NFKBIZ: variants seen among roughly 807,000 people sequenced by gnomAD.
NFKBIZ encodes NFKB inhibitor zeta, also known as NF-kappa-B inhibitor zeta.
A neutral mutation model predicts 76.8 loss-of-function variants in NFKBIZ; 19 were observed. That is an observed-to-expected ratio of 0.25 (90% CI 0.17 to 0.36). The LOEUF (loss-of-function observed/expected upper bound fraction) is 0.36, where lower values mean the gene tolerates loss of function less well. Among genes scored for constraint, NFKBIZ ranks in the 10% least tolerant of loss-of-function variants. The pLI is 1.00. For missense variants in NFKBIZ, 829 were observed against 910.9 expected (o/e 0.91, Z 1.16); for synonymous variants, 368 against 354.8 (o/e 1.04, Z -0.42).
intron 1 of NFKBIZ, among the ~76,000 whole-genome samples, chr3:101,828,349 T>G (rs1300476848): frequency 6.6e-6 from 1 of 152,178 alleles, no homozygotes; most frequent in Non-Finnish European, 1.5e-5. Flanking sequence ...GATAGTTTTT[T>G]GGAGAAAGAA....
At chr3:101,846,838 A>G (rs1203126647), upstream of NFKBIZ, among the ~76,000 whole-genome samples, 2 of 152,226 alleles carry the variant, frequency 1.3e-5, no homozygotes, top group Non-Finnish European at 2.9e-5. Flanking sequence ...TCACACAATT[A>G]TGCAGGCCAA....
At chr3:101,855,040 T>C (rs1365839626) in intron 6 of NFKBIZ, 22 bp from the exon 7 acceptor site, 1 of 1,571,810 alleles carries the variant, frequency 6.4e-7, no homozygotes, top group East Asian at 2.2e-5. Flanking sequence ...TAAAATATCT[T>C]TTTTCCTCTG....
At chr3:101,846,512 T>C (rs1030218239), upstream of NFKBIZ, among the ~76,000 whole-genome samples, 1 of 152,220 alleles carries the variant, frequency 6.6e-6, no homozygotes, top group African/African-American at 2.4e-5. Context: ...GAAACATTAG[T>C]CTTTTGTTGA....
intron 2 of NFKBIZ, among the ~76,000 whole-genome samples, chr3:101,830,785 A>G (rs931598666): frequency 2.0e-5 from 3 of 152,208 alleles, no homozygotes; most frequent in African/African-American, 4.8e-5. Context: ...TGCAGTGAAC[A>G]TACAGGTGCA....
At chr3:101,831,599 C>T (rs193193859) in intron 2 of NFKBIZ, among the ~76,000 whole-genome samples, 1 of 151,318 alleles carries the variant, frequency 6.6e-6, no homozygotes, top group African/African-American at 2.4e-5. Context: ...TTCTCCTTCT[C>T]CTTCTTCTCC....
At chr3:101,831,533 AG>A (rs1012921905) in intron 2 of NFKBIZ, among the ~76,000 whole-genome samples, 7 of 152,064 alleles carry the variant, frequency 4.6e-5, no homozygotes, top group African/African-American at 1.7e-4. Context: ...TGGTTTCCAG[AG>A]GGGGAACAAC....
Position 101,855,300 on chromosome 3 carries a change from A to C in NFKBIZ, c.1590+92A>C, listed in dbSNP as rs1269439433. ...CGGATATAGGTTGCCTGTTGCAATG[A>C]TCTATTTTGAGTTAACTTATTCATT... On this transcript the variant is annotated intron_variant, in intron 7 of 11. Coordinates refer to ENST00000326172, the MANE Select transcript of NFKBIZ (RefSeq NM_031419.4). The C allele has an allele frequency of 6.2e-6, 10 of 1,604,348 alleles. No individual in the cohort carries two copies. The African/African-American group carries it at 1.3e-4, about 22-fold the overall frequency.
At chr3:101,837,602 T>C in intron 2 of NFKBIZ, among the ~76,000 whole-genome samples, 1 of 151,268 alleles carries the variant, frequency 6.6e-6, no homozygotes, top group East Asian at 1.9e-4. Context: ...AAACACAGGG[T>C]TGAGAATCAC....
At position 101,852,074 on chromosome 3, in the gene NFKBIZ, C is replaced by G. The variant is rs761430426; in HGVS notation, c.290-11C>G. 1.9e-6 allele frequency: 3 copies of G among 1,606,270 alleles called. No individual in the cohort carries two copies. Among genetic ancestry groups the G allele is most frequent in the South Asian group, 1.1e-5 (1 of 89,784 alleles). ...TTTAACCAGGAATATGTTTTGTTTT[C>G]TTTTGAACAGTTGAGCCCCATATGG... On this transcript the variant is annotated splice_polypyrimidine_tract_variant and intron_variant, in intron 1 of 11. Coordinates refer to ENST00000326172, the MANE Select transcript of NFKBIZ (RefSeq NM_031419.4).
At chr3:101,858,024 T>G (rs973791930) in intron 11 of NFKBIZ, 2 of 844,702 alleles carry the variant, frequency 2.4e-6, no homozygotes, top group African/African-American at 3.7e-5. Flanking sequence ...TCATCAAATA[T>G]GGTTATATAT....
At chr3:101,855,032 A>C in intron 6 of NFKBIZ, 30 bp from the exon 7 acceptor site, 1 of 1,563,544 alleles carries the variant, frequency 6.4e-7, no homozygotes, top group Non-Finnish European at 8.6e-7. Context: ...TGTATGTTTA[A>C]AATATCTTTT....
rs974379933 is a variant in NFKBIZ, at chr3:101,854,697, C to CA, written c.1443+15dup. 3.2e-6 allele frequency: 5 copies of CA among 1,587,024 alleles called. No homozygotes were observed. The highest frequency in any genetic ancestry group is 3.5e-6 in the Non-Finnish European group (4 of 1,156,184). On this transcript the variant is annotated intron_variant, in intron 6 of 11. Coordinates refer to ENST00000326172, the MANE Select transcript of NFKBIZ (RefSeq NM_031419.4). ...CACAATGGACAGGTGAGGACCTTGA[C>CA]AGAGTCTGAAATGGCAAAGAGGGGG... is the stretch of plus-strand genomic sequence containing the variant.
upstream of NFKBIZ, among the ~76,000 whole-genome samples, chr3:101,845,203 G>T (rs1323835279): frequency 6.6e-6 from 1 of 151,604 alleles, no homozygotes; most frequent in Non-Finnish European, 1.5e-5. Flanking sequence ...GGGAGGCGGA[G>T]CTTGTGGTGA....
chr3:101,831,258 G>T (rs1035709798), intron 2 of NFKBIZ, among the ~76,000 whole-genome samples: 1 of 152,168 alleles, frequency 6.6e-6, no homozygotes, highest in Non-Finnish European at 1.5e-5. Context: ...TATTACAATA[G>T]TTTGTGGCCC....
chr3:101,852,949 C>G lies in NFKBIZ; in HGVS notation c.524C>G (p.Pro175Arg), dbSNP rs536844103. The part of the protein sequence containing the change: ...RKGPDSLSDG[P>R]ACKRPALLHS... ...GGGCCCGATTCGTTGTCTGATGGAC[C>G]TGCTTGCAAAAGGCCAGCTCTGTTG... The change falls in exon 4 of 12, where the codon CCT (proline) becomes CGT (arginine). Residue 175 changes from proline to arginine, a missense_variant. Pro to Arg is a moderately radical substitution (Grantham distance 103). Transcript: ENST00000326172. The G allele has an allele frequency of 6.2e-7, 1 of 1,614,180 alleles. No individual in the cohort carries two copies. Among genetic ancestry groups the G allele is most frequent in the African/African-American group, 1.3e-5 (1 of 75,032 alleles).
At position 101,860,865 on chromosome 3, in the gene NFKBIZ, T is replaced by C. The variant is rs1218791681; in HGVS notation, c.*1494T>C. 6.6e-6 allele frequency: 1 copy of C among 151,848 alleles called. No homozygotes were observed. Among genetic ancestry groups the C allele is most frequent in the Non-Finnish European group, 1.5e-5 (1 of 67,962 alleles). The allele number at this position is 151,848 out of a possible 1,614,324, so 9.4% of individuals were successfully genotyped here. On this transcript the variant is annotated 3_prime_UTR_variant, in exon 12 of 12. Transcript: ENST00000326172. ...TTGCAGCTGAGTACTTAAATTCTTT[T>C]TAAAAAGATACCCTTTGGATTGATC...
At chr3:101,844,760 G>A (rs754453899), upstream of NFKBIZ, among the ~76,000 whole-genome samples, 131 of 152,204 alleles carry the variant, frequency 8.6e-4, 2 homozygotes, top group Non-Finnish European at 1.5e-4. Flanking sequence ...CAAAGTGGCA[G>A]TGCTGTGATT....
At chr3:101,829,792 A>G (rs1942621824) in intron 2 of NFKBIZ, 1 of 152,132 alleles carries the variant, frequency 6.6e-6, no homozygotes, top group African/African-American at 2.4e-5. Context: ...TTTCTCTTAA[A>G]TTAGACATTT....
chr3:101,846,311 C>A (rs1942850035), upstream of NFKBIZ, among the ~76,000 whole-genome samples: 1 of 152,252 alleles, frequency 6.6e-6, no homozygotes, highest in Admixed American at 6.5e-5. Flanking sequence ...ACAATGGCAG[C>A]ATCCTATCAT....
Sources: gnomAD v4.1 joint callset for allele counts (sites outside exome capture counted in the v4.1 genomes callset) on GRCh38, gnomAD v4.1.1 for gene constraint, MANE v1.5 for transcripts, NCBI Gene and HGNC (gene_info 2026-07-23, HGNC 2026-07-21) for gene names.